MSH3: variants seen among roughly 807,000 people sequenced by gnomAD.
MSH3 encodes the protein DNA mismatch repair protein Msh3.
Under a neutral mutation model 123.3 loss-of-function variants are expected in MSH3, and 106 were observed. The ratio of observed to expected loss-of-function variants is 0.86; its 90% CI spans 0.73 to 1.01. MSH3 has a LOEUF of 1.01. Among genes scored for constraint, MSH3 ranks in the 50% least tolerant of loss-of-function variants. The pLI, the probability that MSH3 is intolerant of heterozygous loss-of-function variation, is 0.00. For synonymous variants in MSH3, 515 were observed against 481.4 expected (o/e 1.07, Z -0.91); for missense variants, 1,459 against 1,347.6 (o/e 1.08, Z -1.29).
At chr5:80,752,609 G>A (rs1192638668) in intron 12 of MSH3, among the ~76,000 whole-genome samples, 2 of 152,062 alleles carry the variant, frequency 1.3e-5, no homozygotes, top group Non-Finnish European at 2.9e-5. Flanking sequence ...TGTAAAATGG[G>A]AATTAACTAC....
chr5:80,748,717 CACACACACACACA>C (rs1561465002), intron 12 of MSH3, among the ~76,000 whole-genome samples: 3 of 151,428 alleles, frequency 2.0e-5, no homozygotes, highest in African/African-American at 4.9e-5. Context: ...CACACACACA[CACACACACACACA>C]CACCCATATG....
chr5:80,728,464 T>C (rs1240359350), intron 9 of MSH3, among the ~76,000 whole-genome samples: 1 of 152,212 alleles, frequency 6.6e-6, no homozygotes, highest in Non-Finnish European at 1.5e-5. Flanking sequence ...TTTATTTAGG[T>C]GGTCTCTAGT....
At chr5:80,858,222 AT>A (rs1197832889) in intron 21 of MSH3, among the ~76,000 whole-genome samples, 7 of 151,456 alleles carry the variant, frequency 4.6e-5, no homozygotes, top group African/African-American at 1.7e-4. Flanking sequence ...TTTCACTTTT[AT>A]TTTTTATAGA....
intron 8 of MSH3, among the ~76,000 whole-genome samples, chr5:80,707,144 T>A (rs1419936638): frequency 1.3e-5 from 2 of 152,254 alleles, no homozygotes; most frequent in African/African-American, 4.8e-5. Context: ...CATACTTTTT[T>A]GTGTCCAGCT....
At chr5:80,735,184 G>A (rs1743482074) in intron 10 of MSH3, among the ~76,000 whole-genome samples, 1 of 152,100 alleles carries the variant, frequency 6.6e-6, no homozygotes, top group Non-Finnish European at 1.5e-5. Flanking sequence ...AGGAATTCGA[G>A]ACCAGCCTTG....
Position 80,670,095 on chromosome 5 carries a change from A to G in MSH3, c.580-2A>G, listed in dbSNP as rs550048787. The G allele has an allele frequency of 6.2e-7, 1 of 1,613,974 alleles. No individual in the cohort carries two copies. Among genetic ancestry groups the G allele is most frequent in the Admixed American group, 1.7e-5 (1 of 60,022 alleles). On this transcript the variant is annotated splice_acceptor_variant, in intron 3 of 23. Transcript: ENST00000265081. LOFTEE classifies it high-confidence loss of function. ...AAACTTTATACATCTTTTGGTTGCC[A>G]GGACACAACACTTTTTGATCTCAGT...
chr5:80,686,500 C>T (rs1341801816), intron 8 of MSH3, among the ~76,000 whole-genome samples: 2 of 151,856 alleles, frequency 1.3e-5, no homozygotes, highest in Admixed American at 6.6e-5. Flanking sequence ...AGACAGGATA[C>T]GGGGTTTCAC....
chr5:80,668,722 C>T (rs556869608), intron 3 of MSH3, among the ~76,000 whole-genome samples: 64 of 152,166 alleles, frequency 4.2e-4, no homozygotes, highest in Admixed American at 6.5e-4. Flanking sequence ...CAGAGATGCC[C>T]GGGTCCACAG....
chr5:80,718,578 A>G (rs373872858), intron 8 of MSH3, among the ~76,000 whole-genome samples: 2 of 146,468 alleles, frequency 1.4e-5, no homozygotes, highest in Non-Finnish European at 3.0e-5. Context: ...TTACATATCC[A>G]TAGAGTTTAA....
chr5:80,845,975 G>A (rs762800987), intron 20 of MSH3, among the ~76,000 whole-genome samples: 1 of 152,128 alleles, frequency 6.6e-6, no homozygotes, highest in African/African-American at 2.4e-5. Context: ...CTTTGGAGGA[G>A]AAGAGGCGCT....
chr5:80,657,651 GAAA>G (rs72386143), intron 2 of MSH3, among the ~76,000 whole-genome samples: 7 of 145,712 alleles, frequency 4.8e-5, no homozygotes, highest in Non-Finnish European at 3.0e-5. Context: ...AAGAGAATGA[GAAA>G]AAAAAAAAGT....
At chr5:80,764,399 A>G (rs1339656824) in intron 13 of MSH3, among the ~76,000 whole-genome samples, 1 of 151,662 alleles carries the variant, frequency 6.6e-6, no homozygotes, top group Non-Finnish European at 1.5e-5. Flanking sequence ...TTTTTGAAAC[A>G]AGATCTCACT....
intron 12 of MSH3, among the ~76,000 whole-genome samples, chr5:80,745,603 G>A (rs150283812): frequency 1.3e-5 from 2 of 152,324 alleles, no homozygotes; most frequent in Non-Finnish European, 2.9e-5. Context: ...TATACCTCTG[G>A]CTAGACCAGA....
At chr5:80,808,118 T>G (rs1198975403) in intron 19 of MSH3, among the ~76,000 whole-genome samples, 1 of 152,154 alleles carries the variant, frequency 6.6e-6, no homozygotes, top group Non-Finnish European at 1.5e-5. Flanking sequence ...GGTCATATCT[T>G]TTTTACAATA....
At chr5:80,846,324 A>G (rs1206358941) in intron 20 of MSH3, among the ~76,000 whole-genome samples, 2 of 149,728 alleles carry the variant, frequency 1.3e-5, no homozygotes, top group African/African-American at 4.9e-5. Context: ...GTCGGTCCCT[A>G]CTGGGAGGTG....
intron 21 of MSH3, among the ~76,000 whole-genome samples, chr5:80,857,054 C>A (rs964185897): frequency 5.9e-5 from 9 of 152,152 alleles, no homozygotes; most frequent in Middle Eastern, 3.2e-3. Context: ...ATATTCCTTA[C>A]CAAATTGAGG....
chr5:80,725,425 T>C, intron 8 of MSH3, 28 bp from the exon 9 acceptor site: 10 of 1,498,758 alleles, frequency 6.7e-6, no homozygotes, highest in Non-Finnish European at 9.3e-6. Flanking sequence ...GGATAAGTTA[T>C]CTTTGAAATT....
At chr5:80,779,553 T>A (rs944789406) in intron 17 of MSH3, among the ~76,000 whole-genome samples, 3 of 146,894 alleles carry the variant, frequency 2.0e-5, no homozygotes, top group East Asian at 2.0e-4. Flanking sequence ...AACATTAATT[T>A]TTTTTTTTTT....
rs370934498 is a variant in MSH3, at chr5:80,693,624, T to TACACACACAC, written c.1340+14547_1340+14556dup. Among the ~76,000 whole-genome samples the TACACACACAC allele has an allele frequency of 9.0e-4, 132 of 146,042 alleles. 1 individual carries two copies. The highest frequency in any genetic ancestry group is 3.1e-3 in the African/African-American group (125 of 39,816). On this transcript the variant is annotated intron_variant, in intron 8 of 23. Coordinates refer to ENST00000265081, the MANE Select transcript of MSH3 (RefSeq NM_002439.5). ...ACATACATATATACACACACACATA[T>TACACACACAC]ACACACACACACACACACACACACA...
Sources: gnomAD v4.1 joint callset for allele counts (sites outside exome capture counted in the v4.1 genomes callset) on GRCh38, gnomAD v4.1.1 for gene constraint, MANE v1.5 for transcripts, NCBI Gene and HGNC (gene_info 2026-07-23, HGNC 2026-07-21) for gene names.